The following SLC35F4 variants were observed in gnomAD, a reference collection of about 807,000 sequenced individuals.
SLC35F4 encodes chromosome 14 open reading frame 36.
In SLC35F4, 24 loss-of-function variants were observed where a neutral mutation model predicts 44.2. The ratio of observed to expected loss-of-function variants is 0.54; its 90% CI spans 0.39 to 0.76. SLC35F4 has a LOEUF of 0.76. SLC35F4 is among the 30% of genes least tolerant of loss of function. The probability of loss-of-function intolerance (pLI) is 0.00; values close to 1 mark genes in which losing one functional copy is unlikely to be tolerated. For synonymous variants in SLC35F4, 238 were observed against 223.6 expected, an observed-to-expected ratio of 1.06 and a Z score of -0.57; for missense variants, 562 against 586.1, an observed-to-expected ratio of 0.96 and a Z score of 0.42.
At chr14:57,942,455 A>G (rs987371427) in intron 1 of SLC35F4, among the ~76,000 whole-genome samples, 1 of 152,198 alleles carries the variant, frequency 6.6e-6, no homozygotes, top group African/African-American at 2.4e-5. Flanking sequence ...ACTGTAGGTG[A>G]GATAACTTCA....
At chr14:57,622,058 C>A (rs1460550443) in intron 1 of SLC35F4, among the ~76,000 whole-genome samples, 1 of 149,578 alleles carries the variant, frequency 6.7e-6, no homozygotes, top group Non-Finnish European at 1.5e-5. Flanking sequence ...CCAAAAAACA[C>A]ATGAAAAAAT....
At chr14:57,883,627 A>G (rs1888588212) in intron 1 of SLC35F4, among the ~76,000 whole-genome samples, 1 of 152,222 alleles carries the variant, frequency 6.6e-6, no homozygotes, top group South Asian at 2.1e-4. Flanking sequence ...ATTTAGATAT[A>G]AGTTTTAATA....
At chr14:57,608,471 A>C (rs2071293181) in intron 1 of SLC35F4, among the ~76,000 whole-genome samples, 1 of 152,160 alleles carries the variant, frequency 6.6e-6, no homozygotes, top group East Asian at 1.9e-4. Context: ...ATTGCCAAAA[A>C]ATCACTAGAA....
chr14:57,815,374 G>A (rs1470140934), intron 1 of SLC35F4, among the ~76,000 whole-genome samples: 1 of 152,122 alleles, frequency 6.6e-6, no homozygotes, highest in Non-Finnish European at 1.5e-5. Flanking sequence ...TGGTCATACG[G>A]GAAGTAGAAG....
chr14:57,702,242 C>A (rs1007009729), intron 1 of SLC35F4, among the ~76,000 whole-genome samples: 1 of 151,766 alleles, frequency 6.6e-6, no homozygotes, highest in African/African-American at 2.4e-5. Context: ...AAACCTTTGT[C>A]CTCCTTTACC....
intron 1 of SLC35F4, among the ~76,000 whole-genome samples, chr14:57,621,066 A>G (rs988619410): frequency 1.1e-4 from 16 of 151,600 alleles, no homozygotes; most frequent in East Asian, 1.9e-4. Context: ...TCCCATTCAC[A>G]ATTGCTTCAA....
At chr14:57,570,295 GA>G (rs1425923351) in intron 5 of SLC35F4, among the ~76,000 whole-genome samples, 1 of 152,172 alleles carries the variant, frequency 6.6e-6, no homozygotes, top group East Asian at 1.9e-4. Context: ...GACAAGCCCA[GA>G]AAAATCTTCT....
chr14:57,972,746 C>A (rs1881090346), downstream of SLC35F4, among the ~76,000 whole-genome samples: 1 of 152,212 alleles, frequency 6.6e-6, no homozygotes, highest in Non-Finnish European at 1.5e-5. Flanking sequence ...CCCAGCCAGG[C>A]AGGAGAGTGA....
At chr14:57,958,203 G>A (rs571801076) in intron 1 of SLC35F4, among the ~76,000 whole-genome samples, 74 of 152,086 alleles carry the variant, frequency 4.9e-4, no homozygotes, top group African/African-American at 1.8e-3. Flanking sequence ...GACTACAGGC[G>A]CCCGCCACCA....
At position 57,911,098 on chromosome 14, in the gene SLC35F4, T is replaced by A. The variant is rs527632506; in HGVS notation, n.282+70815A>T. The stretch of plus-strand genomic sequence containing the variant: ...CATTTGCTGGTATATAGAAAAGTGA[T>A]TAAATTTTGTATGTTAACCTTGTAT... On this transcript the variant is annotated intron_variant and non_coding_transcript_variant, in intron 1 of 1. Transcript: ENST00000556568. Among the ~76,000 whole-genome samples, 3 of 152,164 alleles carry A rather than the reference T, an allele frequency of 2.0e-5. No homozygotes were observed. In the East Asian group the frequency reaches 5.8e-4, roughly 29 times the overall value.
intron 1 of SLC35F4, among the ~76,000 whole-genome samples, chr14:57,889,214 T>C (rs1295276621): frequency 1.3e-5 from 2 of 152,232 alleles, no homozygotes; most frequent in Non-Finnish European, 2.9e-5. Flanking sequence ...CTGTAGTTAA[T>C]GTGGGTAACC....
At chr14:57,687,357 G>A (rs1296147076) in intron 1 of SLC35F4, among the ~76,000 whole-genome samples, 1 of 152,114 alleles carries the variant, frequency 6.6e-6, no homozygotes, top group Non-Finnish European at 1.5e-5. Flanking sequence ...TTTTTGCTCT[G>A]TAACTAGACC....
At chr14:57,925,535 GAGGGAGGGAGGA>G (rs1889550686) in intron 1 of SLC35F4, among the ~76,000 whole-genome samples, 10 of 70,762 alleles carry the variant, frequency 1.4e-4, no homozygotes, top group African/African-American at 3.6e-4. Context: ...GGGAGGGAGG[GAGGGAGGGAGGA>G]AGGAAGGAAG....
At chr14:57,923,606 T>C (rs1889486146) in intron 1 of SLC35F4, among the ~76,000 whole-genome samples, 1 of 152,208 alleles carries the variant, frequency 6.6e-6, no homozygotes, top group African/African-American at 2.4e-5. Flanking sequence ...TACTTTCCCA[T>C]TTCACATCAG....
intron 1 of SLC35F4, among the ~76,000 whole-genome samples, chr14:57,718,392 C>G (rs1391458252): frequency 6.6e-6 from 1 of 152,122 alleles, no homozygotes; most frequent in East Asian, 1.9e-4. Context: ...TATGGTAGCT[C>G]TAATTCTAGT....
At chr14:57,741,532 T>C (rs2140513330) in intron 1 of SLC35F4, among the ~76,000 whole-genome samples, 1 of 149,702 alleles carries the variant, frequency 6.7e-6, no homozygotes, top group Admixed American at 6.7e-5. Context: ...AGAAGAGAAG[T>C]TTAGAGAAAA....
At chr14:57,908,559 A>G (rs1174305169) in intron 1 of SLC35F4, among the ~76,000 whole-genome samples, 1 of 151,868 alleles carries the variant, frequency 6.6e-6, no homozygotes, top group Non-Finnish European at 1.5e-5. Context: ...TTTTTTTCAT[A>G]TGTTTGTTGG....
At position 57,608,797 on chromosome 14, in the gene SLC35F4, CGGCGGGGGGA is replaced by C. The variant is rs2071322011; in HGVS notation, c.104-14683_104-14674del. 2.7e-4 allele frequency among the ~76,000 whole-genome samples: 2 copies of C among 7,510 alleles called. 1 individual carries two copies. Among genetic ancestry groups the C allele is most frequent in the African/African-American group, 5.0e-4 (2 of 4,030 alleles). The allele number at this position is 7,510 out of a possible 152,430, so 4.9% of individuals were successfully genotyped here. A position where few individuals can be genotyped will look rare whatever the true frequency, so the allele number is the denominator to read the frequency against. ...AGCCCAAAAGATGGCCGGGGGGGGG[CGGCGGGGGGA>C]GAGAAACAGGAAATTATAACAATAC... On this transcript the variant is annotated intron_variant, in intron 1 of 7. Transcript: ENST00000556826.
Position 57,737,310 on chromosome 14 carries a change from T to A in SLC35F4, c.103+128413A>T, listed in dbSNP as rs567435581. On this transcript the variant is annotated intron_variant, in intron 1 of 7. Coordinates refer to ENST00000556826, the MANE Select transcript of SLC35F4 (RefSeq NM_001306087.2). ...TGGGCTGACATATCACCCCTATAGA[T>A]CTCTTTTCCTCCAATCTACTCCCTA... 2.0e-5 allele frequency among the ~76,000 whole-genome samples: 3 copies of A among 152,110 alleles called. No individual in the cohort carries two copies. The South Asian group carries it at 6.2e-4, about 32-fold the overall frequency.
Sources: gnomAD v4.1 joint callset for allele counts (sites outside exome capture counted in the v4.1 genomes callset) on GRCh38, gnomAD v4.1.1 for gene constraint, MANE v1.5 for transcripts, NCBI Gene and HGNC (gene_info 2026-07-23, HGNC 2026-07-21) for gene names.